The following TEX9 variants were observed in gnomAD, a reference collection of about 807,000 sequenced individuals.
TEX9 encodes the protein testis-expressed protein 9.
A neutral mutation model predicts 59.6 loss-of-function variants in TEX9; 74 were observed. The observed-to-expected ratio is 1.24, with a 90% confidence interval of 1.03 to 1.51. The LOEUF is 1.51. Among genes scored for constraint, TEX9 ranks in the 40% most tolerant of loss-of-function variants. The pLI is 0.00. For synonymous variants in TEX9, 186 were observed against 152.2 expected, an observed-to-expected ratio of 1.22 and a Z score of -1.64; for missense variants, 522 against 447.8, an observed-to-expected ratio of 1.17 and a Z score of -1.49.
Position 56,264,705 on chromosome 15 carries a change from A to G in TEX9, c.-107+20427A>G, listed in dbSNP as rs549207955. 1.1e-4 allele frequency among the ~76,000 whole-genome samples: 16 copies of G among 152,320 alleles called. 1 individual carries two copies. Among genetic ancestry groups the G allele is most frequent in the South Asian group, 1.0e-3 (5 of 4,830 alleles). On this transcript the variant is annotated intron_variant, in intron 1 of 5. Coordinates refer to the TEX9 transcript ENST00000560827. ...TAATGTCACAAAGACTTTATCCTAC[A>G]TTATACTGCAGTAGTTTTATAGATT... is the stretch of plus-strand genomic sequence containing the variant.
chr15:56,266,697 G>A (rs1312076145), intron 1 of TEX9, among the ~76,000 whole-genome samples: 3 of 152,166 alleles, frequency 2.0e-5, no homozygotes, highest in African/African-American at 7.2e-5. Context: ...TGGTGTATGT[G>A]TGCCATATTT....
chr15:56,361,973 T>A (rs758931585), upstream of TEX9, among the ~76,000 whole-genome samples: 30 of 149,492 alleles, frequency 2.0e-4, no homozygotes, highest in Non-Finnish European at 3.8e-4. Context: ...ACAATAAATT[T>A]CTGTTGTTTT....
At chr15:56,340,110 C>G (rs910357017) in intron 1 of TEX9, among the ~76,000 whole-genome samples, 1 of 152,130 alleles carries the variant, frequency 6.6e-6, no homozygotes, top group Non-Finnish European at 1.5e-5. Context: ...GCCATTCCCC[C>G]TAGAAGCAGC....
At chr15:56,321,368 A>G (rs2045898308) in intron 1 of TEX9, among the ~76,000 whole-genome samples, 2 of 152,184 alleles carry the variant, frequency 1.3e-5, no homozygotes, top group Admixed American at 6.5e-5. Flanking sequence ...GCAGGGCTCA[A>G]ATGGAAAGAG....
chr15:56,339,441 A>C (rs543177841), intron 1 of TEX9, among the ~76,000 whole-genome samples: 34 of 145,154 alleles, frequency 2.3e-4, no homozygotes, highest in African/African-American at 8.4e-4. Flanking sequence ...CCCCTGGGCA[A>C]AACCATTCAT....
At chr15:56,347,918 A>G (rs1409606880) in intron 1 of TEX9, among the ~76,000 whole-genome samples, 3 of 151,622 alleles carry the variant, frequency 2.0e-5, no homozygotes, top group African/African-American at 7.3e-5. Flanking sequence ...ACCCAACAGT[A>G]AAAAAAATCA....
intron 1 of TEX9, among the ~76,000 whole-genome samples, chr15:56,324,906 G>C (rs2217059): frequency 0.45 from 68,415 of 152,012 alleles, 16,433 homozygotes; most frequent in Non-Finnish European, 0.55. Flanking sequence ...GTGTAAGTGT[G>C]GCAGATTTGG....
At chr15:56,273,162 C>G (rs1486804181) in intron 1 of TEX9, among the ~76,000 whole-genome samples, 1 of 152,020 alleles carries the variant, frequency 6.6e-6, no homozygotes, top group African/African-American at 2.4e-5. Flanking sequence ...ACCATACTGG[C>G]CAGGCTGGTC....
chr15:56,282,250 C>T (rs557794211), intron 1 of TEX9, among the ~76,000 whole-genome samples: 10 of 152,148 alleles, frequency 6.6e-5, no homozygotes, highest in South Asian at 4.2e-4. Flanking sequence ...TCACTTAAAA[C>T]GTCACAATCA....
chr15:56,365,451 A>G (rs2046890786), exon 1 of TEX9: 3 of 1,609,866 alleles, frequency 1.9e-6, no homozygotes, highest in Non-Finnish European at 1.7e-6. Flanking sequence ...GTCGCCGAAG[A>G]TGGCGGGGCG....
intron 3 of TEX9, among the ~76,000 whole-genome samples, chr15:56,378,804 A>G (rs527575343): frequency 7.2e-5 from 11 of 152,070 alleles, no homozygotes; most frequent in Non-Finnish European, 1.5e-5. Flanking sequence ...GGTGGCTGAT[A>G]GCTGTAATCC....
At chr15:56,289,148 T>C (rs182095476) in intron 1 of TEX9, among the ~76,000 whole-genome samples, 2 of 152,364 alleles carry the variant, frequency 1.3e-5, no homozygotes, top group Non-Finnish European at 2.9e-5. Flanking sequence ...ATTGAATTAT[T>C]TCTCTGTATT....
intron 12 of TEX9, among the ~76,000 whole-genome samples, chr15:56,442,655 A>G (rs183008258): frequency 1.3e-5 from 2 of 152,312 alleles, no homozygotes; most frequent in East Asian, 3.9e-4. Flanking sequence ...ACCAAATACT[A>G]CATGTCTTCA....
chr15:56,435,898 AC>A (rs2050716138), intron 12 of TEX9, among the ~76,000 whole-genome samples: 1 of 152,054 alleles, frequency 6.6e-6, no homozygotes. Flanking sequence ...CAAATCCTTA[AC>A]CCAATATTAG....
At chr15:56,453,107 T>A in the TEX9 span, among the ~76,000 whole-genome samples, 1 of 151,960 alleles carries the variant, frequency 6.6e-6, no homozygotes, top group Non-Finnish European at 1.5e-5. Flanking sequence ...GTGAATAAAT[T>A]TATTCATTAT....
intron 12 of TEX9, among the ~76,000 whole-genome samples, chr15:56,438,907 C>T (rs1320557691): frequency 6.6e-6 from 1 of 152,118 alleles, no homozygotes; most frequent in Non-Finnish European, 1.5e-5. Context: ...TGTCTACTCT[C>T]ATCACTCTTC....
At chr15:56,355,825 A>G (rs934921185) in intron 1 of TEX9, among the ~76,000 whole-genome samples, 1 of 152,114 alleles carries the variant, frequency 6.6e-6, no homozygotes, top group African/African-American at 2.4e-5. Context: ...GCATTTGTAA[A>G]TAGTACTGCA....
At chr15:56,350,576 A>C (rs945934828) in intron 1 of TEX9, among the ~76,000 whole-genome samples, 4 of 152,200 alleles carry the variant, frequency 2.6e-5, no homozygotes, top group Non-Finnish European at 5.9e-5. Flanking sequence ...CTACTCATTT[A>C]ATCTAGAATA....
chr15:56,333,565 T>TAG (rs2046201348), intron 1 of TEX9, among the ~76,000 whole-genome samples: 1 of 150,648 alleles, frequency 6.6e-6, no homozygotes, highest in East Asian at 1.9e-4. Flanking sequence ...ATAGATAGTA[T>TAG]ATCACGCTGA....
Sources: allele counts gnomAD v4.1 joint callset (sites outside exome capture counted in the v4.1 genomes callset), GRCh38; gene constraint gnomAD v4.1.1; transcripts MANE v1.5; gene names NCBI Gene and HGNC (gene_info 2026-07-23, HGNC 2026-07-21).